The following BRWD3 variants were observed in gnomAD, a reference collection of about 807,000 sequenced individuals.
The protein encoded by BRWD3 is bromodomain and WD repeat-containing protein 3.
BRWD3 carries 10 observed loss-of-function variants against 149.7 expected under a neutral mutation model. The ratio of observed to expected loss-of-function variants is 0.07; its 90% CI spans 0.04 to 0.11. The LOEUF is 0.11. BRWD3 is among the 10% of genes least tolerant of loss of function. BRWD3 has a pLI of 1.00. For missense variants in BRWD3, 940 were observed against 1,373.2 expected, an observed-to-expected ratio of 0.68 and a Z score of 4.99; for synonymous variants, 504 against 456.7, an observed-to-expected ratio of 1.10 and a Z score of -1.32.
intron 6 of BRWD3, 122 bp from the exon 7 acceptor site, chrX:80,745,851 A>T: frequency 3.1e-6 from 2 of 651,054 alleles, no homozygotes; most frequent in East Asian, 3.6e-5. Context: ...GCCCTGTGAG[A>T]AGTCTAAATT....
At chrX:80,734,367 T>G (rs1304888151) in intron 10 of BRWD3, 149 bp from the exon 11 acceptor site, 1 of 458,714 alleles carries the variant, frequency 2.2e-6, no homozygotes, top group African/African-American at 2.5e-5. Context: ...ATACTAGCGA[T>G]TTAGAGAAAA....
chrX:80,701,817 GATC>G lies in BRWD3; in HGVS notation c.2835+1660_2835+1662del, dbSNP rs1263606408. 2.7e-5 allele frequency among the ~76,000 whole-genome samples: 3 copies of G among 110,561 alleles called. No individual in the cohort carries two copies. In the Admixed American group the frequency reaches 2.9e-4, roughly 11 times the overall value. On this transcript the variant is annotated intron_variant, in intron 24 of 40. Transcript: ENST00000373275. Reference sequence around the variant, plus strand: ...TTCATTCCTGAATTCCACAAATACTGATCATTGAACATCTATGTGTAGGCACTA... The same window carrying G: ...TTCATTCCTGAATTCCACAAATACTGATTGAACATCTATGTGTAGGCACTA...
At chrX:80,765,777 A>C (rs1477945279) in intron 6 of BRWD3, among the ~76,000 whole-genome samples, 1 of 111,885 alleles carries the variant, frequency 8.9e-6, no homozygotes, top group African/African-American at 3.2e-5. Flanking sequence ...AGAAAAGTAA[A>C]CACCACTCAA....
chrX:80,724,831 T>G, intron 15 of BRWD3, 102 bp downstream of exon 15: 1 of 937,414 alleles, frequency 1.1e-6, no homozygotes. Flanking sequence ...TAAACACATA[T>G]GACAAGAGGT....
At chrX:80,683,938 G>A (rs1299936666) in intron 37 of BRWD3, 72 bp downstream of exon 37, 1 of 1,043,490 alleles carries the variant, frequency 9.6e-7, no homozygotes, top group East Asian at 3.1e-5. Flanking sequence ...TTTCAAAAAA[G>A]ATACTGAGGA....
intron 17 of BRWD3, among the ~76,000 whole-genome samples, chrX:80,720,614 A>C (rs748571963): frequency 8.9e-6 from 1 of 111,904 alleles, no homozygotes; most frequent in East Asian, 2.8e-4. Flanking sequence ...GCTAAGGTTA[A>C]TTTGTTACTG....
intron 34 of BRWD3, 109 bp downstream of exon 34, chrX:80,687,960 A>G: frequency 3.4e-6 from 2 of 591,087 alleles, no homozygotes; most frequent in Non-Finnish European, 6.0e-6. Context: ...TAATATACTT[A>G]GTTGCAAGAA....
intron 37 of BRWD3, 25 bp from the exon 38 acceptor site, chrX:80,682,653 C>T: frequency 8.4e-7 from 1 of 1,187,308 alleles, no homozygotes; most frequent in Non-Finnish European, 1.1e-6. Flanking sequence ...ATTATATAGT[C>T]TTAACTAGTT....
intron 8 of BRWD3, among the ~76,000 whole-genome samples, chrX:80,736,976 G>T (rs180685784): frequency 5.4e-5 from 6 of 111,435 alleles, no homozygotes; most frequent in African/African-American, 2.0e-4. Context: ...AGATATATAG[G>T]GTTTGAATAC....
intron 20 of BRWD3, chrX:80,709,831 C>T: frequency 6.2e-6 from 3 of 483,345 alleles, no homozygotes; most frequent in Non-Finnish European, 1.0e-5. Context: ...CAAAGTCCCA[C>T]AGACTTCTCT....
intron 8 of BRWD3, among the ~76,000 whole-genome samples, chrX:80,738,005 T>C (rs1256153382): frequency 8.9e-6 from 1 of 112,703 alleles, no homozygotes; most frequent in Non-Finnish European, 1.9e-5. Context: ...TGAGCAGTTG[T>C]GACAGAGATT....
chrX:80,733,789 C>A (rs376499394), intron 11 of BRWD3, among the ~76,000 whole-genome samples: 2 of 110,510 alleles, frequency 1.8e-5, no homozygotes, highest in Non-Finnish European at 3.8e-5. Context: ...TAAGAGAATA[C>A]CTTAAAATAG....
At chrX:80,713,095 C>T (rs1479822728) in intron 20 of BRWD3, among the ~76,000 whole-genome samples, 11 of 108,321 alleles carry the variant, frequency 1.0e-4, no homozygotes, top group East Asian at 3.0e-4. Context: ...CCCGGCCAGC[C>T]GCCCCGTCCG....
chrX:80,733,974 T>C (rs1664229557), intron 11 of BRWD3, 144 bp downstream of exon 11: 1 of 473,338 alleles, frequency 2.1e-6, no homozygotes, highest in Non-Finnish European at 3.8e-6. Context: ...ACAAGTATAG[T>C]ATGTATAGTA....
intron 7 of BRWD3, among the ~76,000 whole-genome samples, chrX:80,744,629 T>C (rs1398899242): frequency 1.8e-5 from 2 of 112,473 alleles, no homozygotes; most frequent in Admixed American, 1.9e-4. Context: ...TTATTCAGAA[T>C]TTAACCTAAA....
intron 6 of BRWD3, among the ~76,000 whole-genome samples, chrX:80,789,820 C>G (rs2074159205): frequency 9.5e-6 from 1 of 105,598 alleles, no homozygotes; most frequent in African/African-American, 3.4e-5. Flanking sequence ...CCATGGAACT[C>G]CTTTTTTTTT....
intron 6 of BRWD3, among the ~76,000 whole-genome samples, chrX:80,787,534 C>T (rs1333997236): frequency 9.7e-6 from 1 of 103,492 alleles, no homozygotes; most frequent in Non-Finnish European, 2.0e-5. Context: ...AAAGGATGGC[C>T]TTTTCAACAA....
chrX:80,800,453 T>C (rs751686089), intron 4 of BRWD3, among the ~76,000 whole-genome samples: 33 of 104,908 alleles, frequency 3.1e-4, no homozygotes, highest in African/African-American at 1.0e-3. Context: ...GGTGGGAGGA[T>C]TGATTGAGCC....
intron 6 of BRWD3, among the ~76,000 whole-genome samples, chrX:80,770,741 G>T (rs974614992): frequency 9.0e-6 from 1 of 111,701 alleles, no homozygotes; most frequent in South Asian, 3.7e-4. Flanking sequence ...AGTGTTGGAA[G>T]TTCTGGCCAG....
Sources: gnomAD v4.1 joint callset for allele counts (sites outside exome capture counted in the v4.1 genomes callset) on GRCh38, gnomAD v4.1.1 for gene constraint, MANE v1.5 for transcripts, NCBI Gene and HGNC (gene_info 2026-07-23, HGNC 2026-07-21) for gene names.